The following MAGI2 variants were observed in gnomAD, a reference collection of about 807,000 sequenced individuals.
MAGI2 encodes the protein membrane-associated guanylate kinase, WW and PDZ domain-containing protein 2.
In MAGI2, 35 loss-of-function variants were observed where a neutral mutation model predicts 133.3. The observed-to-expected ratio is 0.26, with a 90% CI of 0.20 to 0.35. The LOEUF (loss-of-function observed/expected upper bound fraction) is 0.35, where lower values mean the gene tolerates loss of function less well. MAGI2 is among the 10% of genes least tolerant of loss of function. The pLI, the probability that MAGI2 is intolerant of heterozygous loss-of-function variation, is 1.00. For synonymous variants in MAGI2, 729 were observed against 710.6 expected (o/e 1.03, Z -0.41); for missense variants, 1,636 against 1,863.4 (o/e 0.88, Z 2.25).
chr7:78,202,271 T>C lies in MAGI2; in HGVS notation c.2048-1078A>G, dbSNP rs550439995. 7.9e-5 allele frequency among the ~76,000 whole-genome samples: 12 copies of C among 152,312 alleles called. 1 individual carries two copies. The highest frequency in any genetic ancestry group is 4.1e-4 in the South Asian group (2 of 4,830). Reference sequence around the variant, plus strand: ...CCTATTTCCATTTGTAGGAAATATCTATAGAAATCGGGACACATAGTTACC... The same window carrying C: ...CCTATTTCCATTTGTAGGAAATATCCATAGAAATCGGGACACATAGTTACC... On this transcript the variant is annotated intron_variant, in intron 10 of 21. Coordinates refer to ENST00000354212, the MANE Select transcript of MAGI2 (RefSeq NM_012301.4).
At chr7:79,228,354 C>CAAAAAAAAAAAAAA (rs746424350) in intron 1 of MAGI2, among the ~76,000 whole-genome samples, 22 of 31,412 alleles carry the variant, frequency 7.0e-4, no homozygotes, top group African/African-American at 1.1e-3. Context: ...AAAAAACAGG[C>CAAAAAAAAAAAAAA]AAAAAAAAAA....
At chr7:78,697,919 C>T (rs1817680696) in intron 2 of MAGI2, among the ~76,000 whole-genome samples, 1 of 152,140 alleles carries the variant, frequency 6.6e-6, no homozygotes, top group African/African-American at 2.4e-5. Flanking sequence ...CTATTCACTT[C>T]TCCTTATAAG....
intron 1 of MAGI2, among the ~76,000 whole-genome samples, chr7:79,448,309 T>C (rs1364281279): frequency 6.6e-6 from 1 of 152,084 alleles, no homozygotes; most frequent in African/African-American, 2.4e-5. Flanking sequence ...CAAAAAAACC[T>C]TAAAATACAA....
At chr7:78,233,873 G>A (rs1340067280) in intron 10 of MAGI2, among the ~76,000 whole-genome samples, 3 of 152,024 alleles carry the variant, frequency 2.0e-5, no homozygotes, top group Non-Finnish European at 4.4e-5. Context: ...GGAAGGATGC[G>A]CCTAGGTAGA....
chr7:78,126,193 G>GGGGTGTGTGT (rs1554461464), intron 19 of MAGI2, among the ~76,000 whole-genome samples: 4 of 149,010 alleles, frequency 2.7e-5, no homozygotes, highest in African/African-American at 7.5e-5. Context: ...ATAAATGTCA[G>GGGGTGTGTGT]GTGTGTGTGT....
intron 21 of MAGI2, among the ~76,000 whole-genome samples, chr7:78,071,117 A>G (rs1814640756): frequency 6.6e-6 from 1 of 152,256 alleles, no homozygotes; most frequent in Non-Finnish European, 1.5e-5. Flanking sequence ...ATATCATTAT[A>G]GTCCGTGATT....
In MAGI2 at chr7:78,127,233, G is replaced by A. The variant is rs370661193; in HGVS notation, c.3387C>T (p.Thr1129=). ...TGTAGTCCGACAGAGGGTACTGCCTGGTGTCGGGGGAGTGCTGCCTGTAGT... is the reference window on the plus strand; with the variant it reads ...TGTAGTCCGACAGAGGGTACTGCCTAGTGTCGGGGGAGTGCTGCCTGTAGT... ...LLDYRQHSPD[T]RQYPLSDYRQ... is the part of the protein sequence containing the mutation. Residue 1129 remains threonine (T), a synonymous_variant, in exon 19 of 22, where the codon ACC becomes ACT. Coordinates refer to ENST00000354212, the MANE Select transcript of MAGI2 (RefSeq NM_012301.4). The A allele has an allele frequency of 1.2e-6, 2 of 1,604,280 alleles. No homozygotes were observed. The highest frequency in any genetic ancestry group is 2.2e-5 in the East Asian group (1 of 44,772).
intron 2 of MAGI2, among the ~76,000 whole-genome samples, chr7:78,968,559 G>A (rs930295466): frequency 2.6e-5 from 4 of 151,594 alleles, no homozygotes; most frequent in Non-Finnish European, 5.9e-5. Context: ...TTTCTTATTA[G>A]CATTGATAAG....
chr7:79,452,140 G>C (rs965385752), intron 1 of MAGI2, among the ~76,000 whole-genome samples: 1 of 151,994 alleles, frequency 6.6e-6, no homozygotes, highest in Non-Finnish European at 1.5e-5. Flanking sequence ...CCCCCAAATC[G>C]GAGCCAGAGG....
chr7:78,100,487 A>G (rs928527890), intron 20 of MAGI2, among the ~76,000 whole-genome samples: 1 of 152,126 alleles, frequency 6.6e-6, no homozygotes, highest in African/African-American at 2.4e-5. Flanking sequence ...AGTAGCTGGG[A>G]CCACAGGCAC....
intron 3 of MAGI2, among the ~76,000 whole-genome samples, chr7:78,586,002 T>A (rs1803359904): frequency 1.3e-5 from 2 of 152,194 alleles, no homozygotes. Context: ...TCCTTTCTAT[T>A]TTAGGTAGAC....
chr7:79,359,725 A>G (rs11971813), intron 1 of MAGI2, among the ~76,000 whole-genome samples: 4,491 of 151,262 alleles, frequency 0.03, 211 homozygotes, highest in African/African-American at 0.1. Context: ...GAAAACAAAA[A>G]AACTACCAAC....
At chr7:78,415,403 A>G (rs1315614971) in intron 6 of MAGI2, among the ~76,000 whole-genome samples, 1 of 152,096 alleles carries the variant, frequency 6.6e-6, no homozygotes, top group East Asian at 1.9e-4. Context: ...AATGAAATAA[A>G]GACATTATCC....
chr7:78,869,809 A>G (rs1487300052), intron 2 of MAGI2, among the ~76,000 whole-genome samples: 1 of 152,210 alleles, frequency 6.6e-6, no homozygotes, highest in Admixed American at 6.5e-5. Context: ...TTACAATTCA[A>G]GATGAGATTT....
Position 78,190,149 on chromosome 7 carries a change from G to A in MAGI2, c.2270-4479C>T, listed in dbSNP as rs375814324. ...TCCATGGCATAGTACTTAAATGTGG[G>A]AAACCTTACTACCTATTTTTTTCTA... On this transcript the variant is annotated intron_variant, in intron 12 of 21. Coordinates refer to ENST00000354212, the MANE Select transcript of MAGI2 (RefSeq NM_012301.4). Among the ~76,000 whole-genome samples, 28 of 152,228 alleles carry A rather than the reference G, an allele frequency of 1.8e-4. No homozygotes were observed. In the South Asian group the frequency reaches 5.2e-3, roughly 28 times the overall value.
intron 2 of MAGI2, among the ~76,000 whole-genome samples, chr7:78,836,295 T>C (rs1411534): frequency 0.062 from 9,456 of 152,254 alleles, 394 homozygotes; most frequent in East Asian, 0.2. Flanking sequence ...AAGTTGGACT[T>C]GAACTGGGTT....
intron 1 of MAGI2, among the ~76,000 whole-genome samples, chr7:79,191,506 C>T (rs1266581391): frequency 3.1e-5 from 4 of 128,820 alleles, no homozygotes; most frequent in Non-Finnish European, 3.1e-5. Context: ...AAGCCTGTAA[C>T]TCTTGGGCTC....
chr7:78,661,845 C>T (rs1812992436), intron 2 of MAGI2, among the ~76,000 whole-genome samples: 1 of 152,054 alleles, frequency 6.6e-6, no homozygotes, highest in African/African-American at 2.4e-5. Context: ...CAGAGTGAGT[C>T]AAAAATACTT....
intron 1 of MAGI2, among the ~76,000 whole-genome samples, chr7:79,428,723 C>CAACT (rs1423371974): frequency 6.6e-6 from 1 of 152,040 alleles, no homozygotes; most frequent in Non-Finnish European, 1.5e-5. Flanking sequence ...TGATAGCAGG[C>CAACT]AACTATAAAT....
Sources: allele counts gnomAD v4.1 joint callset (sites outside exome capture counted in the v4.1 genomes callset), GRCh38; gene constraint gnomAD v4.1.1; transcripts MANE v1.5; gene names NCBI Gene and HGNC (gene_info 2026-07-23, HGNC 2026-07-21).